Variants in FMN1 observed in about 807,000 individuals in gnomAD.
FMN1 encodes formin-1.
A neutral mutation model predicts 132.4 loss-of-function variants in FMN1; 110 were observed. The ratio of observed to expected loss-of-function variants is 0.83; its 90% CI spans 0.71 to 0.97. The LOEUF is 0.97. Ranked by LOEUF, FMN1 falls within the 50% of genes least tolerant of loss-of-function variation. The pLI, the probability that FMN1 is intolerant of heterozygous loss-of-function variation, is 0.00. For synonymous variants in FMN1, 722 were observed against 651.7 expected, an observed-to-expected ratio of 1.11 and a Z score of -1.64; for missense variants, 1,792 against 1,705.3, an observed-to-expected ratio of 1.05 and a Z score of -0.90.
At chr15:32,925,644 A>G (rs944989670) in intron 10 of FMN1, among the ~76,000 whole-genome samples, 4 of 152,240 alleles carry the variant, frequency 2.6e-5, no homozygotes, top group African/African-American at 9.6e-5. Flanking sequence ...CTATAAATGA[A>G]TGGATGAATT....
chr15:32,969,603 G>C, intron 7 of FMN1, 126 bp from the exon 8 acceptor site: 1 of 1,092,088 alleles, frequency 9.2e-7, no homozygotes, highest in Non-Finnish European at 1.3e-6. Flanking sequence ...GGGAAATACA[G>C]AGACATTCTT....
At chr15:32,930,949 A>G (rs1390381965) in intron 9 of FMN1, among the ~76,000 whole-genome samples, 1 of 152,174 alleles carries the variant, frequency 6.6e-6, no homozygotes, top group East Asian at 1.9e-4. Flanking sequence ...TGGAGAGACT[A>G]TCCTTTCCAC....
intron 3 of FMN1, among the ~76,000 whole-genome samples, chr15:33,158,082 C>G (rs985383946): frequency 2.6e-5 from 4 of 152,024 alleles, no homozygotes; most frequent in African/African-American, 9.7e-5. Flanking sequence ...GTGCTGCTCC[C>G]TAAGGTCATC....
chr15:32,894,365 T>A (rs2060103717), intron 15 of FMN1, among the ~76,000 whole-genome samples: 1 of 151,934 alleles, frequency 6.6e-6, no homozygotes, highest in Non-Finnish European at 1.5e-5. Context: ...ACACCTGTAG[T>A]CCCAGCTACT....
chr15:32,910,595 G>A lies in FMN1; in HGVS notation c.3227-60C>T, dbSNP rs1389070033. 51 of 1,224,940 alleles carry A rather than the reference G, an allele frequency of 4.2e-5. No individual in the cohort carries two copies. The Admixed American group carries it at 1.0e-3, about 24-fold the overall frequency. The allele number at this position is 1,224,940 out of a possible 1,614,324, so 75.9% of individuals were successfully genotyped here. A position where few individuals can be genotyped will look rare whatever the true frequency, so the allele number is the denominator to read the frequency against. ...ATTTGATTAGGTCCCCTGCACCAATGTTTACTCCACATCCAGCTTCCAAGC... is the reference window on the plus strand; with the variant it reads ...ATTTGATTAGGTCCCCTGCACCAATATTTACTCCACATCCAGCTTCCAAGC... On this transcript the variant is annotated intron_variant, in intron 10 of 20. Coordinates refer to ENST00000616417, the MANE Select transcript of FMN1 (RefSeq NM_001277313.2).
chr15:33,077,961 T>C (rs909621353), intron 5 of FMN1, among the ~76,000 whole-genome samples: 6 of 152,264 alleles, frequency 3.9e-5, no homozygotes, highest in Admixed American at 3.9e-4. Context: ...CCAGTTAGAA[T>C]GGCGATCATT....
chr15:32,811,004 T>C (rs1440339796), intron 17 of FMN1: 1 of 456,246 alleles, frequency 2.2e-6, no homozygotes, highest in East Asian at 6.9e-5. Flanking sequence ...GATGTGAGTG[T>C]GGCAATCGTT....
chr15:32,898,780 G>A, intron 15 of FMN1, 54 bp downstream of exon 15: 1 of 1,141,926 alleles, frequency 8.8e-7, no homozygotes, highest in Non-Finnish European at 1.3e-6. Context: ...TCCAACTTAT[G>A]AATGTCAACA....
chr15:32,926,142 A>G (rs1388762987), intron 10 of FMN1, 32 bp downstream of exon 10: 3 of 1,202,610 alleles, frequency 2.5e-6, no homozygotes, highest in African/African-American at 1.5e-5. Flanking sequence ...AAAAATGGAA[A>G]AAGTAAAACA....
intron 10 of FMN1, among the ~76,000 whole-genome samples, chr15:32,916,889 G>A (rs1032236566): frequency 6.6e-6 from 1 of 152,176 alleles, no homozygotes; most frequent in African/African-American, 2.4e-5. Context: ...AAAGAGAACA[G>A]AGCAGGGAAA....
intron 4 of FMN1, among the ~76,000 whole-genome samples, chr15:33,091,410 G>C (rs1188711599): frequency 6.6e-6 from 1 of 152,030 alleles, no homozygotes; most frequent in Non-Finnish European, 1.5e-5. Context: ...ATGTCAAGGT[G>C]AAAGTTATCT....
At chr15:32,990,210 A>C (rs2033347307) in intron 7 of FMN1, among the ~76,000 whole-genome samples, 1 of 152,182 alleles carries the variant, frequency 6.6e-6, no homozygotes, top group South Asian at 2.1e-4. Context: ...GGAAATCTCC[A>C]AGAGACAAAA....
chr15:32,887,634 TAC>T (rs770929522), intron 16 of FMN1, among the ~76,000 whole-genome samples: 34 of 152,208 alleles, frequency 2.2e-4, no homozygotes, highest in Non-Finnish European at 4.0e-4. Context: ...ATGTATGATA[TAC>T]ATATATATTT....
intron 4 of FMN1, among the ~76,000 whole-genome samples, chr15:33,124,069 C>T (rs919508545): frequency 6.6e-6 from 1 of 152,068 alleles, no homozygotes; most frequent in Non-Finnish European, 1.5e-5. Flanking sequence ...AAAATGTGCC[C>T]GTCCATAAAC....
Position 32,969,275 on chromosome 15 carries a change from C to G in FMN1, c.2426G>C (p.Arg809Thr). 6.2e-7 allele frequency: 1 copy of G among 1,613,834 alleles called. No homozygotes were observed. Among genetic ancestry groups the G allele is most frequent in the Non-Finnish European group, 8.5e-7 (1 of 1,179,846 alleles). ...TTCACAGGGCTTGAGGAAGGTCTCT[C>G]TGTCTGTCTGGACGCACACATTTCT... ...TFRNVCVQTD[R>T]ETFLKPCESE... The change falls in exon 8 of 21, where the codon AGA becomes ACA. Residue 809 changes from arginine (R) to threonine (T), a missense_variant. Physicochemically the swap from Arg to Thr is moderately conservative, Grantham distance 71. This residue lies in a region of FMN1 where 1,150 missense variants were observed against 1,043.1 expected (regional missense o/e 1.10). Transcript: ENST00000616417.
chr15:33,149,909 C>T, intron 4 of FMN1: 1 of 984,388 alleles, frequency 1.0e-6, no homozygotes, highest in Non-Finnish European at 1.2e-6. Flanking sequence ...TAGGGGTTTA[C>T]ACATGTAAAT....
chr15:32,809,757 T>C (rs950063706), intron 17 of FMN1, among the ~76,000 whole-genome samples: 1 of 152,076 alleles, frequency 6.6e-6, no homozygotes. Context: ...CCAAACACAC[T>C]ATCTCCCCAC....
rs34841652 is a variant in FMN1, at chr15:32,929,765, CTTTT to C, written c.3139-3508_3139-3505del. On this transcript the variant is annotated intron_variant, in intron 9 of 20. Coordinates refer to ENST00000616417, the MANE Select transcript of FMN1 (RefSeq NM_001277313.2). ...ATGTTGTAGCAAATGACAAGATTTC[CTTTT>C]TTTTTTTTTGTGGTCAAGTAATATT... 1.1e-3 allele frequency among the ~76,000 whole-genome samples: 166 copies of C among 145,334 alleles called. 1 individual carries two copies. The highest frequency in any genetic ancestry group is 4.0e-3 in the African/African-American group (160 of 39,736).
At chr15:32,907,728 C>T in intron 12 of FMN1, among the ~76,000 whole-genome samples, 1 of 149,858 alleles carries the variant, frequency 6.7e-6, no homozygotes, top group Admixed American at 6.7e-5. Context: ...AAAAAAAATT[C>T]AAGGTAGCAA....
Sources: allele counts gnomAD v4.1 joint callset (sites outside exome capture counted in the v4.1 genomes callset), GRCh38; gene constraint gnomAD v4.1.1; regional missense constraint gnomAD v4.1.1; transcripts MANE v1.5; gene names NCBI Gene and HGNC (gene_info 2026-07-23, HGNC 2026-07-21).